Variants in PLAGL2 observed in about 807,000 individuals in gnomAD.
The protein encoded by PLAGL2 is PLAG1 like zinc finger 2.
A neutral mutation model predicts 29.0 loss-of-function variants in PLAGL2; 7 were observed. The observed-to-expected ratio is 0.24, with a 90% CI of 0.14 to 0.45. The LOEUF (loss-of-function observed/expected upper bound fraction) is 0.45, where lower values mean the gene tolerates loss of function less well. Ranked by LOEUF, PLAGL2 falls within the 20% of genes least tolerant of loss-of-function variation. PLAGL2 has a pLI of 0.99. For synonymous variants in PLAGL2, 234 were observed against 266.0 expected (o/e 0.88, Z 1.17); for missense variants, 454 against 648.2 (o/e 0.70, Z 3.25).
At chr20:32,199,903 G>A (rs1322637063) in intron 2 of PLAGL2, among the ~76,000 whole-genome samples, 3 of 152,038 alleles carry the variant, frequency 2.0e-5, no homozygotes, top group Admixed American at 2.0e-4. Context: ...TAACTTATAG[G>A]AGCACACAGA....
chr20:32,200,723 T>G (rs1328231542), intron 2 of PLAGL2, among the ~76,000 whole-genome samples: 1 of 152,212 alleles, frequency 6.6e-6, no homozygotes, highest in Non-Finnish European at 1.5e-5. Flanking sequence ...CCCAAGTAGC[T>G]GGGACTACAG....
chr20:32,198,444 CA>C (rs1174765518), intron 2 of PLAGL2, among the ~76,000 whole-genome samples: 1 of 152,060 alleles, frequency 6.6e-6, no homozygotes, highest in Non-Finnish European at 1.5e-5. Flanking sequence ...AGTTTCAGAC[CA>C]ACCTGAACAA....
At chr20:32,199,222 C>T (rs983913734) in intron 2 of PLAGL2, among the ~76,000 whole-genome samples, 1 of 152,202 alleles carries the variant, frequency 6.6e-6, no homozygotes, top group African/African-American at 2.4e-5. Flanking sequence ...TCGTACAGCA[C>T]TCTGTGATCC....
chr20:32,203,933 A>T (rs2047272830), intron 1 of PLAGL2, among the ~76,000 whole-genome samples: 2 of 152,184 alleles, frequency 1.3e-5, no homozygotes, highest in African/African-American at 4.8e-5. Flanking sequence ...AGGGGTAGGT[A>T]GCACTAAAAA....
At chr20:32,198,449 T>G (rs544561974) in intron 2 of PLAGL2, among the ~76,000 whole-genome samples, 1 of 152,296 alleles carries the variant, frequency 6.6e-6, no homozygotes, top group Non-Finnish European at 1.5e-5. Flanking sequence ...CAGACCAACC[T>G]GAACAACATA....
At position 32,196,748 on chromosome 20, in the gene PLAGL2, T is replaced by C; in HGVS notation, c.1195A>G (p.Ser399Gly). The change falls in exon 3 of 3, where the codon AGC becomes GGC. Residue 399 changes from serine to glycine, a missense_variant. Physicochemically the swap from Ser to Gly is moderately conservative, Grantham distance 56. Around this residue, in one of 4 missense-constraint regions of PLAGL2, gnomAD observed 247 missense variants for 350.3 expected, o/e 0.71. Transcript: ENST00000246229. ...ALLDEALLAKSPANLSEALCA... is the reference protein window; with the variant it reads ...ALLDEALLAKGPANLSEALCA... ...AGGGCCTCAGAGAGGTTGGCGGGGC[T>C]CTTGGCAAGCAGTGCTTCATCTAGG... 5.6e-6 allele frequency: 9 copies of C among 1,594,550 alleles called. No homozygotes were observed. The highest frequency in any genetic ancestry group is 7.7e-6 in the Non-Finnish European group (9 of 1,169,524).
At chr20:32,207,546 G>T (rs1376506098) in intron 1 of PLAGL2, 95 bp downstream of exon 1, 2 of 152,848 alleles carry the variant, frequency 1.3e-5, no homozygotes, top group Non-Finnish European at 2.9e-5. Flanking sequence ...CCGAGATGAG[G>T]CGCGCCGCCG....
At chr20:32,204,768 C>A (rs540672426) in intron 1 of PLAGL2, among the ~76,000 whole-genome samples, 1 of 152,334 alleles carries the variant, frequency 6.6e-6, no homozygotes, top group South Asian at 2.1e-4. Context: ...CAGACTTGTC[C>A]TTCCTCAGCA....
At chr20:32,201,675 A>G (rs1226497802) in intron 2 of PLAGL2, among the ~76,000 whole-genome samples, 2 of 152,232 alleles carry the variant, frequency 1.3e-5, no homozygotes, top group African/African-American at 4.8e-5. Flanking sequence ...GGCCAGGTGC[A>G]GTGGCTCACG....
rs747733644 is a variant in PLAGL2, at chr20:32,197,403, G to C, written c.540C>G (p.Arg180=). 6.2e-7 allele frequency: 1 copy of C among 1,611,906 alleles called. No individual in the cohort carries two copies. Among genetic ancestry groups the C allele is most frequent in the Admixed American group, 1.7e-5 (1 of 59,902 alleles). ...ALLEHLKAHS[R]RVAGGAKEKK... ...TCTCCTTGGCACCGCCTGCTACCCG[G>C]CGTGAGTGGGCCTTCAGGTGCTCTA... Residue 180 remains arginine (R), a synonymous_variant, in exon 3 of 3, where the codon CGC becomes CGG. Coordinates refer to ENST00000246229, the MANE Select transcript of PLAGL2 (RefSeq NM_002657.3). The surrounding 1 kb of genome is among the most constrained non-coding windows in gnomAD (Gnocchi z 6.6).
In PLAGL2 at chr20:32,197,401, C is replaced by A; in HGVS notation, c.542G>T (p.Arg181Leu). ...CTTCTCCTTGGCACCGCCTGCTACC[C>A]GGCGTGAGTGGGCCTTCAGGTGCTC... ...LLEHLKAHSR[R>L]VAGGAKEKKH... The change falls in exon 3 of 3, where the codon CGG becomes CTG. Residue 181 changes from arginine to leucine, a missense_variant. Around this residue, in one of 4 missense-constraint regions of PLAGL2, gnomAD observed 111 missense variants for 173.1 expected, o/e 0.64. Coordinates refer to ENST00000246229, the MANE Select transcript of PLAGL2 (RefSeq NM_002657.3). This position sits in a 1 kb window ranked among gnomAD's most constrained non-coding sequence, Gnocchi z 6.6. 6.2e-7 allele frequency: 1 copy of A among 1,611,732 alleles called. No homozygotes were observed. Among genetic ancestry groups the A allele is most frequent in the Non-Finnish European group, 8.5e-7 (1 of 1,179,632 alleles).
chr20:32,201,218 G>A (rs759953677), intron 2 of PLAGL2, among the ~76,000 whole-genome samples: 2 of 152,068 alleles, frequency 1.3e-5, no homozygotes, highest in Admixed American at 6.6e-5. Context: ...TCTAAAGTTC[G>A]AATACTGATT....
At chr20:32,207,316 C>T (rs1405407754) in intron 1 of PLAGL2, among the ~76,000 whole-genome samples, 1 of 152,048 alleles carries the variant, frequency 6.6e-6, no homozygotes, top group Admixed American at 6.5e-5. Flanking sequence ...AGGTCAGCAG[C>T]GCCTTATCTG....
At position 32,196,716 on chromosome 20, in the gene PLAGL2, A is replaced by G. The variant is rs1217106591; in HGVS notation, c.1227T>C (p.Ala409=). 1.9e-6 allele frequency: 3 copies of G among 1,570,482 alleles called. No homozygotes were observed. The highest frequency in any genetic ancestry group is 2.6e-6 in the Non-Finnish European group (3 of 1,157,668). Reference sequence around the variant, plus strand: ...GTAGGTGGGAGAAGTCCACATTAGCAGCGCAGAGGGCCTCAGAGAGGTTGG... The same window carrying G: ...GTAGGTGGGAGAAGTCCACATTAGCGGCGCAGAGGGCCTCAGAGAGGTTGG... ...SPANLSEALC[A]ANVDFSHLLG... The change falls in exon 3 of 3, where the codon GCT becomes GCC. Residue 409 remains alanine, a synonymous_variant. Coordinates refer to ENST00000246229, the MANE Select transcript of PLAGL2 (RefSeq NM_002657.3).
At position 32,197,673 on chromosome 20, in the gene PLAGL2, G is replaced by A; in HGVS notation, c.270C>T (p.Ala90=). Reference sequence around the variant, plus strand: ...GGTGGGGTTTCTGGGCTGAGTGGGTGGCCATGTGCCTGGGGGTAGAGACAG... The same window carrying A: ...GGTGGGGTTTCTGGGCTGAGTGGGTAGCCATGTGCCTGGGGGTAGAGACAG... ...ASKYKLYRHM[A]THSAQKPHQC... is the part of the protein sequence containing the mutation. Residue 90 remains alanine, a synonymous_variant, in exon 3 of 3, where the codon GCC becomes GCT. Coordinates refer to ENST00000246229, the MANE Select transcript of PLAGL2 (RefSeq NM_002657.3). This position sits in a 1 kb window ranked among gnomAD's most constrained non-coding sequence, Gnocchi z 6.6. 2 of 1,613,250 alleles carry A rather than the reference G, an allele frequency of 1.2e-6. No homozygotes were observed. The highest frequency in any genetic ancestry group is 4.5e-5 in the East Asian group (2 of 44,874).
At chr20:32,203,399 A>G (rs1448896922) in intron 1 of PLAGL2, among the ~76,000 whole-genome samples, 1 of 152,198 alleles carries the variant, frequency 6.6e-6, no homozygotes, top group African/African-American at 2.4e-5. Context: ...TCCAGATACT[A>G]ATCCAGAGGA....
rs1034973670 is a variant in PLAGL2, at chr20:32,193,767, CTTT to C, written c.*2682_*2684del. 1 of 151,794 alleles carries C rather than the reference CTTT, an allele frequency of 6.6e-6. No homozygotes were observed. Among genetic ancestry groups the C allele is most frequent in the Admixed American group, 6.6e-5 (1 of 15,110 alleles). The allele number at this position is 151,794 out of a possible 1,614,324, so 9.4% of individuals were successfully genotyped here. Reference sequence around the variant, plus strand: ...CCTTTGAACAACCAGGCCACTAAGGCTTTTTTTTTCTTTCCCCCCGACCCCCCA... The same window carrying C: ...CCTTTGAACAACCAGGCCACTAAGGCTTTTTTCTTTCCCCCCGACCCCCCA... On this transcript the variant is annotated 3_prime_UTR_variant, in exon 3 of 3. Transcript: ENST00000246229.
rs1464482102 is a variant in PLAGL2, at chr20:32,197,346, C to T, written c.597G>A (p.Arg199=). 1 of 1,602,248 alleles carries T rather than the reference C, an allele frequency of 6.2e-7. No homozygotes were observed. Among genetic ancestry groups the T allele is most frequent in the East Asian group, 2.2e-5 (1 of 44,450 alleles). The change falls in exon 3 of 3, where the codon CGG becomes CGA. Residue 199 remains arginine (R), a synonymous_variant. Transcript: ENST00000246229. This position sits in a 1 kb window ranked among gnomAD's most constrained non-coding sequence, Gnocchi z 6.6. Reference sequence around the variant, plus strand: ...GCCGTACATCCTTACGAGTATAGAACCGCCGGTCGCAGTGGTCACAGGGGT... The same window carrying T: ...GCCGTACATCCTTACGAGTATAGAATCGCCGGTCGCAGTGGTCACAGGGGT... The part of the protein sequence containing the change: ...KKHPCDHCDR[R]FYTRKDVRRH...
In PLAGL2 at chr20:32,195,948, G is replaced by A. The variant is rs1600372607; in HGVS notation, c.*504C>T. The stretch of plus-strand genomic sequence containing the variant: ...GAGGAATGGGTGGGCGAGAAATAAA[G>A]GCCTTCTCTCCTGCCCATTGGTTGG... On this transcript the variant is annotated 3_prime_UTR_variant, in exon 3 of 3. Coordinates refer to ENST00000246229, the MANE Select transcript of PLAGL2 (RefSeq NM_002657.3). 6.5e-6 allele frequency: 1 copy of A among 152,956 alleles called. No individual in the cohort carries two copies. Among genetic ancestry groups the A allele is most frequent in the South Asian group, 2.1e-4 (1 of 4,832 alleles). The allele number at this position is 152,956 out of a possible 1,614,324, so 9.5% of individuals were successfully genotyped here.
Sources: gnomAD v4.1 joint callset for allele counts (sites outside exome capture counted in the v4.1 genomes callset) on GRCh38, gnomAD v4.1.1 for gene constraint, gnomAD v4.1.1 regional missense constraint, Gnocchi (gnomAD v3.1) non-coding constraint, MANE v1.5 for transcripts, NCBI Gene and HGNC (gene_info 2026-07-23, HGNC 2026-07-21) for gene names.